The following SCUBE3 variants were observed in gnomAD, a reference collection of about 807,000 sequenced individuals.
SCUBE3 encodes signal peptide, CUB domain and EGF like domain containing 3, also known as signal peptide, CUB and EGF-like domain-containing protein 3.
SCUBE3 carries 33 observed loss-of-function variants against 116.8 expected under a neutral mutation model. The ratio of observed to expected loss-of-function variants is 0.28; its 90% CI spans 0.21 to 0.38. The LOEUF is 0.38. SCUBE3 is among the 10% of genes least tolerant of loss of function. The pLI is 1.00. For synonymous variants in SCUBE3, 418 were observed against 496.9 expected (o/e 0.84, Z 2.11); for missense variants, 1,007 against 1,324.8 (o/e 0.76, Z 3.72).
chr6:35,241,209 C>G lies in SCUBE3; in HGVS notation c.1138C>G (p.Gln380Glu). The change falls in exon 10 of 22, where the codon CAG (glutamine) becomes GAG (glutamate). Residue 380 changes from glutamine (Q) to glutamate (E), a missense_variant. Transcript: ENST00000274938. This position sits in a 1 kb window ranked among gnomAD's most constrained non-coding sequence, Gnocchi z 4.1. ...FGCINTPGSYQCTCPAGQGRL... is the reference protein window; with the variant it reads ...FGCINTPGSYECTCPAGQGRL... ...CTGCATCAACACTCCTGGCAGCTAC[C>G]AGTGTACCTGCCCAGCAGGCCAGGG... 4 of 1,606,018 alleles carry G rather than the reference C, an allele frequency of 2.5e-6. No homozygotes were observed. The highest frequency in any genetic ancestry group is 3.4e-6 in the Non-Finnish European group (4 of 1,173,272).
At position 35,228,785 on chromosome 6, in the gene SCUBE3, A is replaced by C; in HGVS notation, c.334+46A>C. On this transcript the variant is annotated intron_variant, in intron 3 of 21. Coordinates refer to ENST00000274938, the MANE Select transcript of SCUBE3 (RefSeq NM_152753.4). The surrounding 1 kb of genome is among the most constrained non-coding windows in gnomAD (Gnocchi z 4.9). ...TTGGTGGAGGGATGTCTTGTGGAGA[A>C]AGAGATCTTTTCAGCATTTCCTATT... is the stretch of plus-strand genomic sequence containing the variant. The C allele has an allele frequency of 6.3e-7, 1 of 1,595,860 alleles. No individual in the cohort carries two copies. Among genetic ancestry groups the C allele is most frequent in the Non-Finnish European group, 8.6e-7 (1 of 1,163,772 alleles).
chr6:35,218,517 C>T (rs957856458), intron 1 of SCUBE3, among the ~76,000 whole-genome samples: 1 of 152,146 alleles, frequency 6.6e-6, no homozygotes, highest in Admixed American at 6.5e-5. Flanking sequence ...ATCCCGTATC[C>T]CTAGCACATG....
chr6:35,216,515 T>C (rs1326975594), intron 1 of SCUBE3, among the ~76,000 whole-genome samples: 1 of 152,130 alleles, frequency 6.6e-6, no homozygotes, highest in African/African-American at 2.4e-5. Context: ...CTGCCAGAGG[T>C]TGCCTAATAG....
chr6:35,236,873 G>A (rs1458960593), intron 6 of SCUBE3, among the ~76,000 whole-genome samples: 1 of 152,182 alleles, frequency 6.6e-6, no homozygotes. Context: ...CACAGTCTCT[G>A]TATCAGGGGC....
At chr6:35,242,914 G>C in intron 14 of SCUBE3, 107 bp from the exon 15 acceptor site, 1 of 1,495,402 alleles carries the variant, frequency 6.7e-7, no homozygotes, top group Non-Finnish European at 9.3e-7. Flanking sequence ...AAGCCTAAAA[G>C]CTAGTCCCTC....
Position 35,242,853 on chromosome 6 carries a change from A to G in SCUBE3, c.1693+73A>G. The G allele has an allele frequency of 1.9e-6, 3 of 1,569,656 alleles. No individual in the cohort carries two copies. The African/African-American group carries it at 4.0e-5, about 21-fold the overall frequency. On this transcript the variant is annotated intron_variant, in intron 14 of 21. Transcript: ENST00000274938. Reference sequence around the variant, plus strand: ...AGGTGGGGAAACCACAGGTCTCAGCAGCAAAAGGAAGGGATGGAGCCTGTA... The same window carrying G: ...AGGTGGGGAAACCACAGGTCTCAGCGGCAAAAGGAAGGGATGGAGCCTGTA...
Position 35,239,640 on chromosome 6 carries a change from C to A in SCUBE3, c.830-112C>A. 1 of 910,232 alleles carries A rather than the reference C, an allele frequency of 1.1e-6. No homozygotes were observed. Among genetic ancestry groups the A allele is most frequent in the Non-Finnish European group, 1.7e-6 (1 of 575,814 alleles). The allele number at this position is 910,232 out of a possible 1,614,324, so 56.4% of individuals were successfully genotyped here. A position where few individuals can be genotyped will look rare whatever the true frequency, so the allele number is the denominator to read the frequency against. On this transcript the variant is annotated intron_variant, in intron 7 of 21. Coordinates refer to ENST00000274938, the MANE Select transcript of SCUBE3 (RefSeq NM_152753.4). The surrounding 1 kb of genome is among the most constrained non-coding windows in gnomAD (Gnocchi z 4.1). Reference sequence around the variant, plus strand: ...CAGAGAGAGATCAAGAAGAGGCAGGCCCAGGACTCCTTGATTTTTGCATGT... The same window carrying A: ...CAGAGAGAGATCAAGAAGAGGCAGGACCAGGACTCCTTGATTTTTGCATGT...
chr6:35,238,912 G>A (rs1783900815), intron 7 of SCUBE3, among the ~76,000 whole-genome samples: 1 of 152,140 alleles, frequency 6.6e-6, no homozygotes, highest in South Asian at 2.1e-4. Context: ...GGCTAGGGCA[G>A]CAGGTCAGCC....
rs1174611177 is a variant in SCUBE3, at chr6:35,251,710, T to A, written c.*3005T>A. ...TAATTGATGTCAAGGCAGATCTTGG[T>A]GAGCAGGTAAAAACCTGCTATTGTC... On this transcript the variant is annotated 3_prime_UTR_variant, in exon 22 of 22. Coordinates refer to ENST00000274938, the MANE Select transcript of SCUBE3 (RefSeq NM_152753.4). The A allele has an allele frequency of 6.6e-6, 1 of 152,220 alleles. No homozygotes were observed. 9.4% of individuals were successfully genotyped at this position (152,220 alleles called of 1,614,324 possible). A position where few individuals can be genotyped will look rare whatever the true frequency, so the allele number is the denominator to read the frequency against.
chr6:35,240,529 C>T lies in SCUBE3; in HGVS notation c.1069+39C>T, dbSNP rs775359588. The T allele has an allele frequency of 1.2e-5, 13 of 1,073,950 alleles. No homozygotes were observed. Among genetic ancestry groups the T allele is most frequent in the Admixed American group, 2.0e-5 (1 of 50,816 alleles). 66.5% of individuals were successfully genotyped at this position (1,073,950 alleles called of 1,614,324 possible). On this transcript the variant is annotated intron_variant, in intron 9 of 21. Transcript: ENST00000274938. The surrounding 1 kb of genome is among the most constrained non-coding windows in gnomAD (Gnocchi z 4.6). Reference sequence around the variant, plus strand: ...CTTGCACCCCCAGCCACCCTGGCCCCCTCACCTCTTCACCCTCCAATTGAA... The same window carrying T: ...CTTGCACCCCCAGCCACCCTGGCCCTCTCACCTCTTCACCCTCCAATTGAA...
At chr6:35,234,770 T>C (rs1309280192) in intron 6 of SCUBE3, among the ~76,000 whole-genome samples, 1 of 152,242 alleles carries the variant, frequency 6.6e-6, no homozygotes, top group African/African-American at 2.4e-5. Context: ...CTCTGATTTA[T>C]TTCTGTTCAA....
chr6:35,235,102 AG>A lies in SCUBE3; in HGVS notation c.712+1804del, dbSNP rs1369653115. The stretch of plus-strand genomic sequence containing the variant: ...GAGAAGGCAGTATAGTTTAGCAGAA[AG>A]GGCGGCACCCTTTGGGATTTGGGAT... On this transcript the variant is annotated intron_variant, in intron 6 of 21. Coordinates refer to ENST00000274938, the MANE Select transcript of SCUBE3 (RefSeq NM_152753.4). This position sits in a 1 kb window ranked among gnomAD's most constrained non-coding sequence, Gnocchi z 4.5. Among the ~76,000 whole-genome samples, 1 of 152,220 alleles carries A rather than the reference AG, an allele frequency of 6.6e-6. No individual in the cohort carries two copies. The highest frequency in any genetic ancestry group is 1.5e-5 in the Non-Finnish European group (1 of 68,040).
Position 35,228,802 on chromosome 6 carries a change from T to C in SCUBE3, c.334+63T>C. ...TGTGGAGAAAGAGATCTTTTCAGCA[T>C]TTCCTATTTCCCAGGGAAGGAGGAG... is the stretch of plus-strand genomic sequence containing the variant. On this transcript the variant is annotated intron_variant, in intron 3 of 21. Coordinates refer to ENST00000274938, the MANE Select transcript of SCUBE3 (RefSeq NM_152753.4). This position sits in a 1 kb window ranked among gnomAD's most constrained non-coding sequence, Gnocchi z 4.9. 2 of 1,536,480 alleles carry C rather than the reference T, an allele frequency of 1.3e-6. No homozygotes were observed. Among genetic ancestry groups the C allele is most frequent in the Non-Finnish European group, 9.0e-7 (1 of 1,111,552 alleles).
In SCUBE3 at chr6:35,245,100, T is replaced by A; in HGVS notation, c.2402-128T>A. 1.2e-6 allele frequency: 1 copy of A among 860,942 alleles called. No individual in the cohort carries two copies. Among genetic ancestry groups the A allele is most frequent in the Non-Finnish European group, 1.9e-6 (1 of 527,542 alleles). The allele number at this position is 860,942 out of a possible 1,614,324, so 53.3% of individuals were successfully genotyped here. A position where few individuals can be genotyped will look rare whatever the true frequency, so the allele number is the denominator to read the frequency against. Reference sequence around the variant, plus strand: ...GATGGACTCAGAGCTTGGAAAATAATGATGAACTAGAACGCAGACTTCCCA... The same window carrying A: ...GATGGACTCAGAGCTTGGAAAATAAAGATGAACTAGAACGCAGACTTCCCA... On this transcript the variant is annotated intron_variant, in intron 18 of 21. Coordinates refer to ENST00000274938, the MANE Select transcript of SCUBE3 (RefSeq NM_152753.4). This position sits in a 1 kb window ranked among gnomAD's most constrained non-coding sequence, Gnocchi z 4.2.
In SCUBE3 at chr6:35,219,383, C is replaced by T. The variant is rs78510886; in HGVS notation, c.85+4880C>T. Among the ~76,000 whole-genome samples the T allele has an allele frequency of 0.028, 4,279 of 152,276 alleles. 78 individuals are homozygous for T. The highest frequency in any genetic ancestry group is 0.048 in the Middle Eastern group (14 of 294). On this transcript the variant is annotated intron_variant, in intron 1 of 21. Coordinates refer to ENST00000274938, the MANE Select transcript of SCUBE3 (RefSeq NM_152753.4). The surrounding 1 kb of genome is among the most constrained non-coding windows in gnomAD (Gnocchi z 4.7). ...GCCCTAGCCTAGACATGTCCCCCTGCAGATCAAGCACTGCTTTGTAGTTGC... is the reference window on the plus strand; with the variant it reads ...GCCCTAGCCTAGACATGTCCCCCTGTAGATCAAGCACTGCTTTGTAGTTGC...
At chr6:35,246,658 A>G (rs919722813) in intron 21 of SCUBE3, among the ~76,000 whole-genome samples, 1 of 152,160 alleles carries the variant, frequency 6.6e-6, no homozygotes, top group East Asian at 1.9e-4. Flanking sequence ...TCCTTCCCCT[A>G]TTCTCTCCCC....
chr6:35,234,315 G>C (rs1320183940), intron 6 of SCUBE3, among the ~76,000 whole-genome samples: 1 of 152,124 alleles, frequency 6.6e-6, no homozygotes, highest in African/African-American at 2.4e-5. Flanking sequence ...TGTGAATCCA[G>C]TCACTGTGTA....
At position 35,241,432 on chromosome 6, in the gene SCUBE3, C is replaced by T. The variant is rs1252661809; in HGVS notation, c.1196-111C>T. On this transcript the variant is annotated intron_variant, in intron 10 of 21. Transcript: ENST00000274938. The surrounding 1 kb of genome is among the most constrained non-coding windows in gnomAD (Gnocchi z 4.1). ...TGAAATTTGTAGTAAACAATCCCAT[C>T]ATCAGTCTCCATGGGTACAACAATA... is the stretch of plus-strand genomic sequence containing the variant. 1.0e-5 allele frequency: 11 copies of T among 1,081,420 alleles called. No individual in the cohort carries two copies. Among genetic ancestry groups the T allele is most frequent in the Non-Finnish European group, 1.6e-5 (11 of 708,700 alleles). 67.0% of individuals were successfully genotyped at this position (1,081,420 alleles called of 1,614,324 possible).
intron 1 of SCUBE3, among the ~76,000 whole-genome samples, chr6:35,226,292 T>G (rs1256943453): frequency 6.6e-6 from 1 of 152,178 alleles, no homozygotes; most frequent in Non-Finnish European, 1.5e-5. Flanking sequence ...TACCACATTC[T>G]GCTCCATGTT....
Sources: allele counts gnomAD v4.1 joint callset (sites outside exome capture counted in the v4.1 genomes callset), GRCh38; gene constraint gnomAD v4.1.1; non-coding constraint Gnocchi (gnomAD v3.1); transcripts MANE v1.5; gene names NCBI Gene and HGNC (gene_info 2026-07-23, HGNC 2026-07-21).